ITGB6: variants seen among roughly 807,000 people sequenced by gnomAD.
ITGB6 encodes the protein integrin subunit beta 6.
Under a neutral mutation model 84.5 loss-of-function variants are expected in ITGB6, and 80 were observed. The observed-to-expected ratio is 0.95, with a 90% confidence interval of 0.79 to 1.14. The LOEUF (loss-of-function observed/expected upper bound fraction) is 1.14. Among genes scored for constraint, ITGB6 ranks in the 50% most tolerant of loss-of-function variants. The pLI, the probability that ITGB6 is intolerant of heterozygous loss-of-function variation, is 0.00. For synonymous variants in ITGB6, 383 were observed against 354.9 expected (o/e 1.08, Z -0.89); for missense variants, 1,006 against 968.0 (o/e 1.04, Z -0.52).
intron 12 of ITGB6, among the ~76,000 whole-genome samples, chr2:160,116,376 G>A (rs543547857): frequency 1.6e-3 from 241 of 150,188 alleles, no homozygotes; most frequent in Non-Finnish European, 3.0e-3. Context: ...TTAAAGAAAA[G>A]AATTTTCAAC....
intron 10 of ITGB6, among the ~76,000 whole-genome samples, chr2:160,130,479 C>T (rs1683424711): frequency 6.6e-6 from 1 of 152,150 alleles, no homozygotes; most frequent in South Asian, 2.1e-4. Context: ...AGTCGAGCAA[C>T]ACACTAAATT....
intron 4 of ITGB6, among the ~76,000 whole-genome samples, chr2:160,185,347 G>A (rs1685851517): frequency 6.6e-6 from 1 of 152,136 alleles, no homozygotes; most frequent in African/African-American, 2.4e-5. Context: ...CAGACAGAGA[G>A]CCAAATCATG....
chr2:160,131,250 A>T (rs73012623), intron 10 of ITGB6, among the ~76,000 whole-genome samples: 15,365 of 152,172 alleles, frequency 0.1, 1,798 homozygotes, highest in African/African-American at 0.29. Context: ...CATTTGCCTG[A>T]TAGTTTCCAT....
At chr2:160,105,458 G>A (rs1324530864) in intron 14 of ITGB6, among the ~76,000 whole-genome samples, 1 of 152,168 alleles carries the variant, frequency 6.6e-6, no homozygotes, top group Non-Finnish European at 1.5e-5. Context: ...CTGGTTAGTA[G>A]ATACACATCA....
chr2:160,117,535 AGCACTAAAT>A (rs1553477546), intron 12 of ITGB6, among the ~76,000 whole-genome samples: 1 of 152,250 alleles, frequency 6.6e-6, no homozygotes, highest in Non-Finnish European at 1.5e-5. Context: ...TGAAATTTAT[AGCACTAAAT>A]GCCCACAAGA....
At chr2:160,114,873 T>C (rs1162448494) in intron 12 of ITGB6, among the ~76,000 whole-genome samples, 1 of 151,994 alleles carries the variant, frequency 6.6e-6, no homozygotes, top group Non-Finnish European at 1.5e-5. Flanking sequence ...GCTCAGAGGG[T>C]CCTACGCCCA....
chr2:160,182,720 A>T (rs566310653), intron 4 of ITGB6, among the ~76,000 whole-genome samples: 5 of 152,334 alleles, frequency 3.3e-5, no homozygotes, highest in Admixed American at 1.3e-4. Flanking sequence ...AATGAAGGAA[A>T]AATGTTAAGG....
intron 4 of ITGB6, 36 bp downstream of exon 4, chr2:160,195,333 C>A: frequency 6.2e-7 from 1 of 1,612,194 alleles, no homozygotes; most frequent in South Asian, 1.1e-5. Flanking sequence ...CACAGAAAAT[C>A]AGCGCACAAA....
chr2:160,193,638 G>A (rs1163713498), intron 4 of ITGB6, among the ~76,000 whole-genome samples: 2 of 152,234 alleles, frequency 1.3e-5, no homozygotes, highest in African/African-American at 4.8e-5. Context: ...AGTTGCGAGG[G>A]AGTGGGCAGA....
At chr2:160,129,374 G>T (rs193283127) in intron 10 of ITGB6, among the ~76,000 whole-genome samples, 32 of 130,090 alleles carry the variant, frequency 2.5e-4, no homozygotes, top group Admixed American at 1.3e-3. Context: ...GCAAACTCTC[G>T]TAACTGATAC....
Position 160,126,415 on chromosome 2 carries a change from C to G in ITGB6, c.1847G>C (p.Arg616Pro), listed in dbSNP as rs144493660. The change falls in exon 11 of 15, where the codon CGA becomes CCA. Residue 616 changes from arginine (R) to proline (P), a missense_variant. Arg to Pro is a moderately radical substitution (Grantham distance 103). Transcript: ENST00000283249. ...NPGASGPTCERCPTCGDPCNS... is the reference protein window; with the variant it reads ...NPGASGPTCEPCPTCGDPCNS... Reference sequence around the variant, plus strand: ...ACAGGGGTCACCACAGGTAGGACATCGTTCACAGGTTGGTCCTGAGGCTCC... The same window carrying G: ...ACAGGGGTCACCACAGGTAGGACATGGTTCACAGGTTGGTCCTGAGGCTCC... The G allele has an allele frequency of 7.4e-5, 120 of 1,614,184 alleles. No homozygotes were observed. The African/African-American group carries it at 1.4e-3, about 19-fold the overall frequency.
intron 7 of ITGB6, among the ~76,000 whole-genome samples, chr2:160,156,048 A>G (rs557001277): frequency 2.6e-5 from 4 of 152,340 alleles, no homozygotes; most frequent in East Asian, 3.9e-4. Flanking sequence ...TTCTACTCCT[A>G]TAGAAATGGG....
chr2:160,159,656 G>A (rs1371312309), intron 7 of ITGB6, among the ~76,000 whole-genome samples: 1 of 152,000 alleles, frequency 6.6e-6, no homozygotes, highest in Non-Finnish European at 1.5e-5. Context: ...CAAGCACACT[G>A]GGAACTGAGT....
In ITGB6 at chr2:160,169,208, T is replaced by A. The variant is rs1383386147; in HGVS notation, c.1017+4A>T. ...AAGGAATTTCCCAAGTTATTTTTGC[T>A]TACCTCATATAAATGAACTTGTTCT... On this transcript the variant is annotated splice_donor_region_variant and intron_variant, in intron 7 of 14. Transcript: ENST00000283249. 6.4e-7 allele frequency: 1 copy of A among 1,557,738 alleles called. No homozygotes were observed. Among genetic ancestry groups the A allele is most frequent in the Non-Finnish European group, 8.7e-7 (1 of 1,143,092 alleles).
intron 7 of ITGB6, among the ~76,000 whole-genome samples, chr2:160,162,378 G>A (rs987096144): frequency 3.3e-5 from 5 of 151,690 alleles, no homozygotes; most frequent in Admixed American, 6.6e-5. Flanking sequence ...ATATATATAT[G>A]TATATATATA....
chr2:160,134,112 A>T (rs1439003746), intron 10 of ITGB6, among the ~76,000 whole-genome samples: 1 of 152,234 alleles, frequency 6.6e-6, no homozygotes, highest in African/African-American at 2.4e-5. Flanking sequence ...CAATGAATCC[A>T]GGAGCTGGTT....
intron 2 of ITGB6, among the ~76,000 whole-genome samples, chr2:160,198,573 A>G (rs943304361): frequency 4.6e-5 from 7 of 152,194 alleles, no homozygotes; most frequent in Admixed American, 6.5e-5. Context: ...ATAGTCCCCA[A>G]TCATCTTCAT....
At chr2:160,186,785 A>G (rs914204038) in intron 4 of ITGB6, among the ~76,000 whole-genome samples, 3 of 152,240 alleles carry the variant, frequency 2.0e-5, no homozygotes, top group Non-Finnish European at 2.9e-5. Context: ...CTATGCAGTC[A>G]TAAAAAAGGA....
chr2:160,136,429 AG>A (rs1358801623), intron 10 of ITGB6, among the ~76,000 whole-genome samples: 1 of 152,146 alleles, frequency 6.6e-6, no homozygotes, highest in Non-Finnish European at 1.5e-5. Flanking sequence ...GTGGAGAAAT[AG>A]GAACACTTTT....
Sources: gnomAD v4.1 joint callset for allele counts (sites outside exome capture counted in the v4.1 genomes callset) on GRCh38, gnomAD v4.1.1 for gene constraint, MANE v1.5 for transcripts, NCBI Gene and HGNC (gene_info 2026-07-23, HGNC 2026-07-21) for gene names.